The following FASTKD2 variants were observed in gnomAD, a reference collection of about 807,000 sequenced individuals.
FASTKD2 encodes FAST kinase domain-containing protein 2, mitochondrial.
In FASTKD2, 51 loss-of-function variants were observed where a neutral mutation model predicts 63.6. The ratio of observed to expected loss-of-function variants is 0.80; its 90% CI spans 0.64 to 1.01. The LOEUF is 1.01. FASTKD2 is among the 50% of genes least tolerant of loss of function. FASTKD2 has a pLI of 0.00. For missense variants in FASTKD2, 786 were observed against 831.1 expected, an observed-to-expected ratio of 0.95 and a Z score of 0.67; for synonymous variants, 284 against 293.4, an observed-to-expected ratio of 0.97 and a Z score of 0.33.
chr2:206,790,497 C>T lies in FASTKD2; in HGVS notation c.1899-75C>T, dbSNP rs11889941. ...GGTGGAGAGCTCAACTTGGAAATCT[C>T]CAGAGAACAAGAATGCAGCAAGACT... On this transcript the variant is annotated intron_variant, in intron 10 of 11. Coordinates refer to ENST00000402774, the MANE Select transcript of FASTKD2 (RefSeq NM_001136193.2). 4.5e-3 allele frequency: 4,130 copies of T among 914,378 alleles called. 101 individuals are homozygous for T. The African/African-American group carries it at 0.055, about 12-fold the overall frequency. 56.6% of individuals were successfully genotyped at this position (914,378 alleles called of 1,614,324 possible).
intron 8 of FASTKD2, 113 bp downstream of exon 8, chr2:206,787,012 A>G (rs889370668): frequency 3.7e-5 from 27 of 720,840 alleles, no homozygotes; most frequent in Non-Finnish European, 6.2e-5. Context: ...TGAAATTTGC[A>G]GAGCAGGTGT....
At chr2:206,791,397 GT>G in intron 11 of FASTKD2, 7 of 373,570 alleles carry the variant, frequency 1.9e-5, no homozygotes, top group Middle Eastern at 8.4e-4. Context: ...TTAAGACTTT[GT>G]TTTTTATATT....
rs532118258 is a variant in FASTKD2, at chr2:206,779,286, C to T, written c.1427+4889C>T. Among the ~76,000 whole-genome samples the T allele has an allele frequency of 2.1e-3, 314 of 152,240 alleles. 2 individuals carry two copies. Among genetic ancestry groups the T allele is most frequent in the African/African-American group, 7.0e-3 (291 of 41,514 alleles). Reference sequence around the variant, plus strand: ...TATGTGTATGTCCTTAAATCTAAAGCGAGTATCTTGTAGACAAGTTATAGT... The same window carrying T: ...TATGTGTATGTCCTTAAATCTAAAGTGAGTATCTTGTAGACAAGTTATAGT... On this transcript the variant is annotated intron_variant, in intron 7 of 11. Coordinates refer to ENST00000402774, the MANE Select transcript of FASTKD2 (RefSeq NM_001136193.2).
chr2:206,775,680 G>A (rs1330545648), intron 7 of FASTKD2, among the ~76,000 whole-genome samples: 2 of 151,946 alleles, frequency 1.3e-5, no homozygotes, highest in African/African-American at 4.8e-5. Context: ...TTTTGGAATA[G>A]TTTGAGTAGG....
At chr2:206,773,984 G>A (rs527270267) in intron 6 of FASTKD2, among the ~76,000 whole-genome samples, 1 of 152,198 alleles carries the variant, frequency 6.6e-6, no homozygotes, top group South Asian at 2.1e-4. Context: ...AGAAATCATT[G>A]TATGCCCTGG....
chr2:206,791,874 C>G lies in FASTKD2; in HGVS notation c.*72C>G. 7.0e-7 allele frequency: 1 copy of G among 1,422,616 alleles called. No individual in the cohort carries two copies. The highest frequency in any genetic ancestry group is 1.4e-5 in the African/African-American group (1 of 71,140). 88.1% of individuals were successfully genotyped at this position (1,422,616 alleles called of 1,614,324 possible). ...TTAATAAAGATGACAAGTCAGTTGT[C>G]AATGGAATTGAGCTATCTGCTAAGA... On this transcript the variant is annotated 3_prime_UTR_variant, in exon 12 of 12. Coordinates refer to ENST00000402774, the MANE Select transcript of FASTKD2 (RefSeq NM_001136193.2).
rs1263356332 is a variant in FASTKD2, at chr2:206,795,097, C to T, written c.*3295C>T. 6.6e-6 allele frequency among the ~76,000 whole-genome samples: 1 copy of T among 152,180 alleles called. No homozygotes were observed. The highest frequency in any genetic ancestry group is 1.5e-5 in the Non-Finnish European group (1 of 68,042). ...CAGCCAGGCAGCAAAGGACAGATCTCTCTCATACTCTTCATTCACAGGGCC... is the reference window on the plus strand; with the variant it reads ...CAGCCAGGCAGCAAAGGACAGATCTTTCTCATACTCTTCATTCACAGGGCC... On this transcript the variant is annotated 3_prime_UTR_variant, in exon 12 of 12. Transcript: ENST00000402774.
At chr2:206,786,520 AG>A in intron 7 of FASTKD2, 1 of 540,526 alleles carries the variant, frequency 1.9e-6, no homozygotes, top group South Asian at 2.0e-5. Context: ...GAGTTAAATG[AG>A]TTAAAGTCTA....
rs187608676 is a variant in FASTKD2 at position 206,777,838 on chromosome 2, G to C, written c.1427+3441G>C. On this transcript the variant is annotated intron_variant, in intron 7 of 11. Transcript: ENST00000402774. ...GATTAAATTTCCTTATTCATTATTG[G>C]TTTGTTTAGATTTTCTATTTCTTTA... Among the ~76,000 whole-genome samples, 348 of 152,144 alleles carry C rather than the reference G, an allele frequency of 2.3e-3. 2 individuals are homozygous for C. Among genetic ancestry groups the C allele is most frequent in the African/African-American group, 7.9e-3 (328 of 41,510 alleles).
At position 206,795,603 on chromosome 2, in the gene FASTKD2, T is replaced by C. The variant is rs929123484; in HGVS notation, c.*3801T>C. On this transcript the variant is annotated 3_prime_UTR_variant, in exon 12 of 12. Transcript: ENST00000402774. ...AGGTGTGCCGTGACTCACTGGTGGA[T>C]CCAAAAAAAGCTGAAGCCTACATTT... is the stretch of plus-strand genomic sequence containing the variant. Among the ~76,000 whole-genome samples the C allele has an allele frequency of 6.6e-6, 1 of 152,080 alleles. No individual in the cohort carries two copies. The highest frequency in any genetic ancestry group is 6.6e-5 in the Admixed American group (1 of 15,262).
At chr2:206,791,054 G>A (rs1421310880) in intron 11 of FASTKD2, 1 of 275,886 alleles carries the variant, frequency 3.6e-6, no homozygotes, top group Non-Finnish European at 7.1e-6. Context: ...TTCATGGCCT[G>A]TGTGAAGCTG....
chr2:206,768,726 GAC>G (rs1048041327), intron 2 of FASTKD2, among the ~76,000 whole-genome samples: 32 of 152,284 alleles, frequency 2.1e-4, no homozygotes, highest in African/African-American at 7.5e-4. Context: ...TTTTTTAAAA[GAC>G]AGGAATTCCT....
Position 206,766,686 on chromosome 2 carries a change from T to G in FASTKD2, c.-8T>G. ...TTCTTTTTCACTAGTAGAAGTGACG[T>G]TGGTTTCATGTTGACAACTTTGAAG... On this transcript the variant is annotated 5_prime_UTR_variant, in exon 2 of 12. Coordinates refer to ENST00000402774, the MANE Select transcript of FASTKD2 (RefSeq NM_001136193.2). 6.2e-7 allele frequency: 1 copy of G among 1,613,130 alleles called. No individual in the cohort carries two copies. The highest frequency in any genetic ancestry group is 8.5e-7 in the Non-Finnish European group (1 of 1,179,080).
At chr2:206,780,935 G>C (rs780525836) in intron 7 of FASTKD2, among the ~76,000 whole-genome samples, 5 of 151,924 alleles carry the variant, frequency 3.3e-5, no homozygotes, top group African/African-American at 9.7e-5. Flanking sequence ...ATATTCTTTA[G>C]CTCCAGAATT....
At chr2:206,773,206 TA>T (rs1323657197) in intron 6 of FASTKD2, among the ~76,000 whole-genome samples, 2 of 149,442 alleles carry the variant, frequency 1.3e-5, no homozygotes, top group African/African-American at 2.5e-5. Context: ...TCCCAGCTAC[TA>T]GGGGGGCTGA....
intron 7 of FASTKD2, among the ~76,000 whole-genome samples, chr2:206,779,235 CTT>C (rs1689904334): frequency 6.6e-6 from 1 of 152,136 alleles, no homozygotes. Flanking sequence ...CATGGAATGT[CTT>C]TATCCGTTTC....
chr2:206,766,501 G>C, intron 1 of FASTKD2, 143 bp from the exon 2 acceptor site: 1 of 566,778 alleles, frequency 1.8e-6, no homozygotes, highest in Non-Finnish European at 3.1e-6. Flanking sequence ...AGCCCACATT[G>C]GTAAAAAAAA....
chr2:206,780,318 G>T (rs2112088), intron 7 of FASTKD2, among the ~76,000 whole-genome samples: 2 of 151,956 alleles, frequency 1.3e-5, no homozygotes, highest in Non-Finnish European at 2.9e-5. Flanking sequence ...CTTGGCTTTC[G>T]TTTGTTTGGG....
intron 7 of FASTKD2, among the ~76,000 whole-genome samples, chr2:206,775,633 G>A (rs1689806092): frequency 6.6e-6 from 1 of 151,688 alleles, no homozygotes; most frequent in Admixed American, 6.6e-5. Context: ...TACTGGACTT[G>A]TAGAATGAGT....
Sources: gnomAD v4.1 joint callset for allele counts (sites outside exome capture counted in the v4.1 genomes callset) on GRCh38, gnomAD v4.1.1 for gene constraint, MANE v1.5 for transcripts, NCBI Gene and HGNC (gene_info 2026-07-23, HGNC 2026-07-21) for gene names.